Variants in RARB observed in about 807,000 individuals in gnomAD.
RARB encodes the protein HBV-activated protein.
In RARB, 17 loss-of-function variants were observed where a neutral mutation model predicts 51.9. The observed-to-expected ratio is 0.33, with a 90% CI of 0.22 to 0.49. The LOEUF (loss-of-function observed/expected upper bound fraction) is 0.49, where lower values mean the gene tolerates loss of function less well. RARB is among the 20% of genes least tolerant of loss of function. The pLI is 0.99. For missense variants in RARB, 369 were observed against 550.8 expected (o/e 0.67, Z 3.30); for synonymous variants, 215 against 195.4 (o/e 1.10, Z -0.84).
intron 3 of RARB, among the ~76,000 whole-genome samples, chr3:25,060,829 G>T (rs1035131535): frequency 1.6e-4 from 24 of 151,758 alleles, no homozygotes; most frequent in African/African-American, 5.1e-4. Context: ...CAGATTGCAG[G>T]GTTATCTTGA....
intron 5 of RARB, among the ~76,000 whole-genome samples, chr3:25,384,281 C>T (rs1195105568): frequency 7.1e-6 from 1 of 141,844 alleles, no homozygotes; most frequent in African/African-American, 2.5e-5. Context: ...TTCCTTCCTT[C>T]TCTTTCTCCC....
rs182683509 is a variant in RARB, at chr3:25,238,101, T to A, written c.178+63526T>A. On this transcript the variant is annotated intron_variant, in intron 5 of 11. Coordinates refer to the RARB transcript ENST00000383772. ...CAAACATTAGAATTTATTCCTTCTA[T>A]TTAATTGTATGTTTGTACCTATTAA... 3.2e-3 allele frequency among the ~76,000 whole-genome samples: 494 copies of A among 152,252 alleles called. 3 individuals carry two copies. Among genetic ancestry groups the A allele is most frequent in the Non-Finnish European group, 4.9e-3 (335 of 68,002 alleles).
chr3:25,405,550 A>G (rs923396466), intron 5 of RARB, among the ~76,000 whole-genome samples: 11 of 152,208 alleles, frequency 7.2e-5, no homozygotes, highest in African/African-American at 2.7e-4. Flanking sequence ...AGATAAAACC[A>G]TTCAAGGCAA....
chr3:25,163,507 ATATATATATAT>A (rs1559488364), intron 4 of RARB, among the ~76,000 whole-genome samples: 201 of 14,284 alleles, frequency 0.014, 4 homozygotes, highest in Middle Eastern at 0.045. Flanking sequence ...ATCTCAAAAT[ATATATATATAT>A]ATATATATAT....
At chr3:24,987,654 G>A (rs905543760) in intron 2 of RARB, among the ~76,000 whole-genome samples, 2 of 152,196 alleles carry the variant, frequency 1.3e-5, no homozygotes, top group Non-Finnish European at 2.9e-5. Context: ...AAATATATGG[G>A]AAGATTATTT....
intron 5 of RARB, among the ~76,000 whole-genome samples, chr3:25,347,411 T>A (rs1290710549): frequency 6.6e-6 from 1 of 152,210 alleles, no homozygotes; most frequent in African/African-American, 2.4e-5. Flanking sequence ...AAGGTAGTCA[T>A]TGCCACTCAC....
At chr3:25,391,772 T>C (rs1011927434) in intron 5 of RARB, among the ~76,000 whole-genome samples, 1 of 152,212 alleles carries the variant, frequency 6.6e-6, no homozygotes, top group African/African-American at 2.4e-5. Context: ...TTGAGTTCTT[T>C]GTAGATTCTG....
chr3:25,248,144 T>A lies in RARB; in HGVS notation c.178+73569T>A, dbSNP rs181099051. ...TGATATAATGACTTTTTGTGTCTCTTTGAACTGTTTTTGATTTTAATGTCT... is the reference window on the plus strand; with the variant it reads ...TGATATAATGACTTTTTGTGTCTCTATGAACTGTTTTTGATTTTAATGTCT... On this transcript the variant is annotated intron_variant, in intron 5 of 11. Transcript: ENST00000383772. 7.6e-3 allele frequency among the ~76,000 whole-genome samples: 1,153 copies of A among 152,324 alleles called. 8 individuals are homozygous for A. Among genetic ancestry groups the A allele is most frequent in the Admixed American group, 0.012 (185 of 15,296 alleles).
intron 5 of RARB, among the ~76,000 whole-genome samples, chr3:25,300,394 T>C (rs1255859144): frequency 6.6e-6 from 1 of 152,218 alleles, no homozygotes; most frequent in Non-Finnish European, 1.5e-5. Context: ...TAACCATTAA[T>C]AGAGACAATC....
intron 5 of RARB, among the ~76,000 whole-genome samples, chr3:25,592,470 G>T (rs1701648768): frequency 6.6e-6 from 1 of 151,816 alleles, no homozygotes; most frequent in South Asian, 2.1e-4. Context: ...CAGAAATGTG[G>T]TTCTGGGTGG....
chr3:24,870,635 A>T (rs558700633), intron 2 of RARB, among the ~76,000 whole-genome samples: 60 of 152,228 alleles, frequency 3.9e-4, no homozygotes, highest in Non-Finnish European at 7.2e-4. Flanking sequence ...TTTGGGGATC[A>T]TATTATCTGT....
intron 5 of RARB, among the ~76,000 whole-genome samples, chr3:25,261,275 C>G (rs1373007054): frequency 2.6e-5 from 4 of 152,074 alleles, no homozygotes; most frequent in Non-Finnish European, 5.9e-5. Flanking sequence ...TTTCTGGACC[C>G]TGCTACATTT....
chr3:25,491,012 G>A (rs1286651), intron 2 of RARB, among the ~76,000 whole-genome samples: 5 of 151,976 alleles, frequency 3.3e-5, no homozygotes, highest in Admixed American at 2.6e-4. Flanking sequence ...AAAGTAGTCC[G>A]CAAGATATCA....
At chr3:25,471,737 T>G (rs1339708760) in intron 2 of RARB, among the ~76,000 whole-genome samples, 1 of 152,238 alleles carries the variant, frequency 6.6e-6, no homozygotes. Context: ...TTTGAAAATA[T>G]CTAGAACACT....
chr3:25,064,816 C>A (rs146207299), intron 3 of RARB, among the ~76,000 whole-genome samples: 1 of 152,270 alleles, frequency 6.6e-6, no homozygotes, highest in East Asian at 1.9e-4. Context: ...TTTCCCAGGC[C>A]TCAGAAGTGT....
At chr3:25,242,142 C>G (rs1451456789) in intron 5 of RARB, among the ~76,000 whole-genome samples, 1 of 152,034 alleles carries the variant, frequency 6.6e-6, no homozygotes, top group African/African-American at 2.4e-5. Flanking sequence ...CCTTCCCCCA[C>G]TTTTCAATGA....
chr3:24,854,703 G>A (rs1488290212), intron 1 of RARB, among the ~76,000 whole-genome samples: 2 of 152,076 alleles, frequency 1.3e-5, no homozygotes, highest in Non-Finnish European at 2.9e-5. Context: ...ACTGTCCTAC[G>A]TATTGTAGGA....
intron 3 of RARB, among the ~76,000 whole-genome samples, chr3:25,516,644 T>TTTTTTTTTTTTTTTTTTTA (rs1698178181): frequency 6.6e-6 from 1 of 151,358 alleles, no homozygotes; most frequent in African/African-American, 2.4e-5. Flanking sequence ...TTTTTTTTTT[T>TTTTTTTTTTTTTTTTTTTA]GAGACAGGGT....
At chr3:25,328,372 T>G (rs565012900) in intron 5 of RARB, among the ~76,000 whole-genome samples, 26 of 152,122 alleles carry the variant, frequency 1.7e-4, no homozygotes, top group Non-Finnish European at 3.4e-4. Flanking sequence ...ATACAAAAAT[T>G]AGCTGAGCAT....
Sources: gnomAD v4.1 joint callset for allele counts (sites outside exome capture counted in the v4.1 genomes callset) on GRCh38, gnomAD v4.1.1 for gene constraint, MANE v1.5 for transcripts, NCBI Gene and HGNC (gene_info 2026-07-23, HGNC 2026-07-21) for gene names.